Variants in KLF12 observed in about 807,000 individuals in gnomAD.
KLF12 encodes KLF transcription factor 12.
A neutral mutation model predicts 37.8 loss-of-function variants in KLF12; 9 were observed. The ratio of observed to expected loss-of-function variants is 0.24; its 90% CI spans 0.14 to 0.42. The LOEUF is 0.42. Ranked by LOEUF, KLF12 falls within the 10% of genes least tolerant of loss-of-function variation. The pLI is 1.00. For synonymous variants in KLF12, 208 were observed against 202.1 expected (o/e 1.03, Z -0.25); for missense variants, 411 against 516.0 (o/e 0.80, Z 1.97).
chr13:73,910,865 G>A (rs1475813864), intron 3 of KLF12, among the ~76,000 whole-genome samples: 1 of 152,110 alleles, frequency 6.6e-6, no homozygotes, highest in Non-Finnish European at 1.5e-5. Flanking sequence ...GGTTATCATG[G>A]AAGTGAAACT....
chr13:74,233,779 T>C, the KLF12 span, among the ~76,000 whole-genome samples: 2 of 152,236 alleles, frequency 1.3e-5, no homozygotes, highest in Non-Finnish European at 1.5e-5. Context: ...ATGATAAGAA[T>C]GTTTAATAAT....
chr13:73,714,220 AC>A (rs1350317327), intron 7 of KLF12, among the ~76,000 whole-genome samples: 1 of 152,198 alleles, frequency 6.6e-6, no homozygotes, highest in Non-Finnish European at 1.5e-5. Context: ...AGGTGGAAGG[AC>A]CACTTGAGCC....
intron 7 of KLF12, among the ~76,000 whole-genome samples, chr13:73,706,318 A>G (rs1295192688): frequency 6.6e-6 from 1 of 152,264 alleles, no homozygotes; most frequent in East Asian, 1.9e-4. Flanking sequence ...TTCTAAATAT[A>G]GGAAAAAAGA....
At chr13:74,166,317 C>A in the KLF12 span, among the ~76,000 whole-genome samples, 1 of 152,008 alleles carries the variant, frequency 6.6e-6, no homozygotes, top group Admixed American at 6.6e-5. Context: ...GTCTCAAACT[C>A]CTGGGCTCAA....
In KLF12 at chr13:73,715,567, C is replaced by T. The variant is rs377319503; in HGVS notation, c.870-42G>A. The T allele has an allele frequency of 7.4e-5, 118 of 1,596,236 alleles. 1 individual carries two copies. The highest frequency in any genetic ancestry group is 8.6e-5 in the Non-Finnish European group (100 of 1,169,450). On this transcript the variant is annotated intron_variant, in intron 6 of 7. Transcript: ENST00000377669. ...TGGAGTTACACGGTGAGATGCACAC[C>T]GCCCCATTTTGGTTCTGGTGGCATG... is the stretch of plus-strand genomic sequence containing the variant.
chr13:74,184,189 G>C, the KLF12 span, among the ~76,000 whole-genome samples: 1 of 152,068 alleles, frequency 6.6e-6, no homozygotes, highest in Non-Finnish European at 1.5e-5. Flanking sequence ...AGCATAAAAG[G>C]TTTTTAAACA....
chr13:73,780,972 A>G (rs1357672027), intron 5 of KLF12, among the ~76,000 whole-genome samples: 3 of 152,232 alleles, frequency 2.0e-5, no homozygotes, highest in Non-Finnish European at 1.5e-5. Flanking sequence ...TGCTACAGAG[A>G]AATCTTTCAT....
rs539902600 is a variant in KLF12 at position 74,039,960 on chromosome 13, C to T, written c.-31-44907G>A. On this transcript the variant is annotated intron_variant, in intron 1 of 7. Coordinates refer to ENST00000377669, the MANE Select transcript of KLF12 (RefSeq NM_007249.5). ...GTAAAAAGTATGGCTTGCTCGAACACCAACTCATGGATGTCAAAGACCAAG... is the reference window on the plus strand; with the variant it reads ...GTAAAAAGTATGGCTTGCTCGAACATCAACTCATGGATGTCAAAGACCAAG... Among the ~76,000 whole-genome samples the T allele has an allele frequency of 1.4e-4, 22 of 152,306 alleles. 1 individual carries two copies. In the South Asian group the frequency reaches 3.5e-3, roughly 24 times the overall value.
At chr13:73,739,354 C>T (rs1877784756) in intron 6 of KLF12, among the ~76,000 whole-genome samples, 2 of 151,912 alleles carry the variant, frequency 1.3e-5, no homozygotes, top group East Asian at 1.9e-4. Flanking sequence ...CTGGTAAATA[C>T]CTTAACAAAT....
At chr13:74,274,744 T>A in the KLF12 span, among the ~76,000 whole-genome samples, 6 of 152,106 alleles carry the variant, frequency 3.9e-5, no homozygotes, top group African/African-American at 1.4e-4. Flanking sequence ...TCTGTCTTTA[T>A]GTATGTGTAA....
Position 73,734,532 on chromosome 13 carries a change from C to T in KLF12, c.870-19007G>A, listed in dbSNP as rs573343740. Among the ~76,000 whole-genome samples the T allele has an allele frequency of 1.1e-4, 16 of 151,498 alleles. No individual in the cohort carries two copies. In the South Asian group the frequency reaches 2.1e-3, roughly 20 times the overall value. ...GATTTTTATGGTAAAGAATCTTAACCTACTTATTTTTATAACTTTCATAAT... is the reference window on the plus strand; with the variant it reads ...GATTTTTATGGTAAAGAATCTTAACTTACTTATTTTTATAACTTTCATAAT... On this transcript the variant is annotated intron_variant, in intron 6 of 7. Transcript: ENST00000377669.
At chr13:74,259,100 C>G in the KLF12 span, 1 of 152,300 alleles carries the variant, frequency 6.6e-6, no homozygotes, top group Non-Finnish European at 1.5e-5. Context: ...ACCAGGCATG[C>G]TTCTGTGGCC....
chr13:74,280,853 T>C, the KLF12 span, among the ~76,000 whole-genome samples: 1 of 145,208 alleles, frequency 6.9e-6, no homozygotes, highest in Admixed American at 7.1e-5. Flanking sequence ...CCAAGGACTG[T>C]GCCATAAAAA....
At chr13:73,932,448 T>G (rs912499360) in intron 3 of KLF12, among the ~76,000 whole-genome samples, 3 of 152,158 alleles carry the variant, frequency 2.0e-5, no homozygotes, top group African/African-American at 7.2e-5. Flanking sequence ...AGCATTTTTC[T>G]CAGTGATGAT....
intron 3 of KLF12, among the ~76,000 whole-genome samples, chr13:73,940,818 T>A (rs1277837166): frequency 6.6e-6 from 1 of 152,170 alleles, no homozygotes. Flanking sequence ...CAGCCAGAAC[T>A]TTTCACAGAA....
chr13:74,192,785 A>G, the KLF12 span, among the ~76,000 whole-genome samples: 1 of 152,200 alleles, frequency 6.6e-6, no homozygotes, highest in South Asian at 2.1e-4. Flanking sequence ...GACTTCTCCA[A>G]ATAATTTTTT....
chr13:74,136,244 G>A (rs1566230716), upstream of KLF12, among the ~76,000 whole-genome samples: 1 of 152,210 alleles, frequency 6.6e-6, no homozygotes, highest in Admixed American at 6.5e-5. Context: ...AGGGGTTGGT[G>A]GTTGCTGCGG....
At chr13:74,166,684 TC>T in the KLF12 span, among the ~76,000 whole-genome samples, 1 of 152,152 alleles carries the variant, frequency 6.6e-6, no homozygotes, top group East Asian at 1.9e-4. Flanking sequence ...TGCATGGATT[TC>T]CCCCCTACTT....
At chr13:74,166,448 T>C in the KLF12 span, among the ~76,000 whole-genome samples, 3 of 152,108 alleles carry the variant, frequency 2.0e-5, no homozygotes, top group Admixed American at 2.0e-4. Context: ...TGGAATGCTC[T>C]ATCTAAGGAT....
Sources: gnomAD v4.1 joint callset for allele counts (sites outside exome capture counted in the v4.1 genomes callset) on GRCh38, gnomAD v4.1.1 for gene constraint, MANE v1.5 for transcripts, NCBI Gene and HGNC (gene_info 2026-07-23, HGNC 2026-07-21) for gene names.